Variants in SYNE1 observed in about 807,000 individuals in gnomAD.
SYNE1 encodes the protein nesprin-1.
SYNE1 carries 616 observed loss-of-function variants against 1,111.0 expected under a neutral mutation model. That is an observed-to-expected ratio of 0.55 (90% CI 0.52 to 0.59). The LOEUF is 0.59. Ranked by LOEUF, SYNE1 falls within the 20% of genes least tolerant of loss-of-function variation. SYNE1 has a pLI of 0.00. For synonymous variants in SYNE1, 3,855 were observed against 3,825.8 expected (o/e 1.01, Z -0.28); for missense variants, 10,006 against 10,417.0 (o/e 0.96, Z 1.72).
At chr6:152,358,866 G>A (rs75224536) in intron 65 of SYNE1, among the ~76,000 whole-genome samples, 3,335 of 152,230 alleles carry the variant, frequency 0.022, 50 homozygotes, top group Non-Finnish European at 0.034. Context: ...TTCTTATATT[G>A]TGCCTTAAAT....
chr6:152,454,621 T>A (rs1381092678), intron 24 of SYNE1, among the ~76,000 whole-genome samples: 1 of 152,224 alleles, frequency 6.6e-6, no homozygotes, highest in African/African-American at 2.4e-5. Flanking sequence ...ACATATTACA[T>A]ATGACTAAGT....
Position 152,301,854 on chromosome 6 carries a change from C to T in SYNE1, c.17541+15G>A. 1 of 1,597,000 alleles carries T rather than the reference C, an allele frequency of 6.3e-7. No homozygotes were observed. Among genetic ancestry groups the T allele is most frequent in the Admixed American group, 1.7e-5 (1 of 58,438 alleles). ...AGTCAAAGAGCAAAGCCGCGGGGAC[C>T]CACTGGATCCTTACCATGACCACAG... is the stretch of plus-strand genomic sequence containing the variant. On this transcript the variant is annotated intron_variant, in intron 92 of 145. Coordinates refer to ENST00000367255, the MANE Select transcript of SYNE1 (RefSeq NM_182961.4).
chr6:152,390,434 C>A lies in SYNE1; in HGVS notation c.8023G>T (p.Gly2675Cys), dbSNP rs1369867757. 4 of 1,613,976 alleles carry A rather than the reference C, an allele frequency of 2.5e-6. No individual in the cohort carries two copies. The African/African-American group carries it at 5.3e-5, about 22-fold the overall frequency. The change falls in exon 53 of 146, where the codon GGT becomes TGT. Residue 2675 changes from glycine (G) to cysteine (C), a missense_variant. Coordinates refer to ENST00000367255, the MANE Select transcript of SYNE1 (RefSeq NM_182961.4). ...SQIQDILLMK[G>C]EGEVKLNMAI... The stretch of plus-strand genomic sequence containing the variant: ...ATATTCAACTTAACTTCCCCTTCAC[C>A]TTTCATCAGGAGAATATCCTGGGAA...
chr6:152,593,154 A>G (rs2099571675), intron 3 of SYNE1, among the ~76,000 whole-genome samples: 1 of 152,226 alleles, frequency 6.6e-6, no homozygotes, highest in Non-Finnish European at 1.5e-5. Flanking sequence ...ATATCAATTA[A>G]CTTGTGGTCA....
chr6:152,153,196 G>A (rs1230196464), intron 133 of SYNE1, among the ~76,000 whole-genome samples: 1 of 152,102 alleles, frequency 6.6e-6, no homozygotes, highest in Admixed American at 6.5e-5. Flanking sequence ...CTTCATCCTA[G>A]GAAATCCTAG....
chr6:152,408,078 A>C (rs1350006109), intron 44 of SYNE1, among the ~76,000 whole-genome samples: 1 of 152,066 alleles, frequency 6.6e-6, no homozygotes. Context: ...ATGTTCTTTT[A>C]AAAGTGGAAG....
intron 55 of SYNE1, among the ~76,000 whole-genome samples, chr6:152,383,452 T>C (rs545441113): frequency 6.6e-6 from 1 of 152,328 alleles, no homozygotes; most frequent in South Asian, 2.1e-4. Context: ...AACAGCCTCA[T>C]TGTCAAACCT....
chr6:152,220,749 A>G, intron 119 of SYNE1, 93 bp downstream of exon 119: 2 of 1,177,110 alleles, frequency 1.7e-6, no homozygotes, highest in Non-Finnish European at 2.6e-6. Context: ...TGTCTCACAT[A>G]GAAAGACATA....
intron 114 of SYNE1, 60 bp from the exon 115 acceptor site, chr6:152,230,762 CA>C (rs2082595120): frequency 2.0e-6 from 3 of 1,529,378 alleles, no homozygotes; most frequent in Non-Finnish European, 2.7e-6. Context: ...AAATCATTAG[CA>C]GACTAATTAT....
intron 42 of SYNE1, among the ~76,000 whole-genome samples, chr6:152,410,035 T>C (rs555614535): frequency 6.6e-6 from 1 of 152,360 alleles, no homozygotes; most frequent in Admixed American, 6.5e-5. Context: ...TCCAAATATA[T>C]ATATTTTTAA....
chr6:152,453,113 G>A (rs190115312), intron 25 of SYNE1, among the ~76,000 whole-genome samples: 2 of 152,036 alleles, frequency 1.3e-5, no homozygotes, highest in African/African-American at 4.8e-5. Context: ...GGGGGAAGAG[G>A]GGTATGCTTT....
At chr6:152,243,158 G>A (rs927147781) in intron 106 of SYNE1, among the ~76,000 whole-genome samples, 1 of 152,196 alleles carries the variant, frequency 6.6e-6, no homozygotes, top group Non-Finnish European at 1.5e-5. Flanking sequence ...AACTGTCCAT[G>A]TGGCTGAGGG....
intron 95 of SYNE1, among the ~76,000 whole-genome samples, chr6:152,285,105 T>C (rs1478292519): frequency 6.6e-6 from 1 of 152,082 alleles, no homozygotes; most frequent in Non-Finnish European, 1.5e-5. Context: ...AGTTCACGGG[T>C]GTCTGCATAG....
chr6:152,524,655 G>T (rs2099155104), intron 5 of SYNE1, among the ~76,000 whole-genome samples: 1 of 152,124 alleles, frequency 6.6e-6, no homozygotes, highest in Admixed American at 6.6e-5. Flanking sequence ...GCACTTGGGT[G>T]CATGTAGCTT....
At position 152,369,196 on chromosome 6, in the gene SYNE1, A is replaced by G; in HGVS notation, c.9652-69T>C. The G allele has an allele frequency of 2.5e-6, 4 of 1,584,996 alleles. No individual in the cohort carries two copies. In the Admixed American group the frequency reaches 7.0e-5, roughly 28 times the overall value. On this transcript the variant is annotated intron_variant, in intron 60 of 145. Transcript: ENST00000367255. ...CACATCGCGGACGAAGCTTTGGCCC[A>G]GAGAACATGGAAATCAACACTGGCA...
intron 104 of SYNE1, among the ~76,000 whole-genome samples, chr6:152,251,544 G>C (rs1352808889): frequency 6.6e-6 from 1 of 151,590 alleles, no homozygotes; most frequent in Non-Finnish European, 1.5e-5. Flanking sequence ...GGATCACGAG[G>C]TCAGGAGATC....
At chr6:152,326,687 GGAAA>G in intron 78 of SYNE1, 54 bp from the exon 79 acceptor site, 1 of 1,537,632 alleles carries the variant, frequency 6.5e-7, no homozygotes, top group South Asian at 1.2e-5. Flanking sequence ...TGTGTTTGCA[GGAAA>G]GAGTTTTATT....
chr6:152,289,788 G>A (rs1429371145), intron 95 of SYNE1, among the ~76,000 whole-genome samples: 3 of 152,084 alleles, frequency 2.0e-5, no homozygotes, highest in African/African-American at 7.2e-5. Context: ...CACCATGCCT[G>A]GCTAAGTTTT....
intron 54 of SYNE1, 47 bp from the exon 55 acceptor site, chr6:152,385,885 C>T: frequency 6.3e-7 from 1 of 1,598,496 alleles, no homozygotes; most frequent in Non-Finnish European, 8.6e-7. Flanking sequence ...CTTTTGAGAA[C>T]ATGAACTCAG....
Sources: allele counts gnomAD v4.1 joint callset (sites outside exome capture counted in the v4.1 genomes callset), GRCh38; gene constraint gnomAD v4.1.1; transcripts MANE v1.5; gene names NCBI Gene and HGNC (gene_info 2026-07-23, HGNC 2026-07-21).